The following NAV1 variants were observed in gnomAD, a reference collection of about 807,000 sequenced individuals.
The protein encoded by NAV1 is pore membrane and/or filament interacting like protein 3.
Under a neutral mutation model 175.2 loss-of-function variants are expected in NAV1, and 18 were observed. The ratio of observed to expected loss-of-function variants is 0.10; its 90% CI spans 0.07 to 0.15. The LOEUF is 0.15. NAV1 is among the 10% of genes least tolerant of loss of function. NAV1 has a pLI of 1.00. For synonymous variants in NAV1, 897 were observed against 978.7 expected (o/e 0.92, Z 1.56); for missense variants, 1,731 against 2,436.6 (o/e 0.71, Z 6.10).
chr1:201,711,199 G>A (rs946059995), intron 1 of NAV1, among the ~76,000 whole-genome samples: 11 of 152,236 alleles, frequency 7.2e-5, no homozygotes, highest in African/African-American at 2.2e-4. Context: ...CCTGCCATTT[G>A]TCCCTGATCC....
intron 1 of NAV1, among the ~76,000 whole-genome samples, chr1:201,558,866 C>T (rs1359875777): frequency 2.0e-5 from 3 of 152,110 alleles, no homozygotes; most frequent in Non-Finnish European, 2.9e-5. Flanking sequence ...TGGGGTCTGG[C>T]TTCTAGGGAG....
At chr1:201,742,165 G>A (rs1349028660) in intron 3 of NAV1, among the ~76,000 whole-genome samples, 14 of 152,168 alleles carry the variant, frequency 9.2e-5, no homozygotes, top group Admixed American at 9.2e-4. Flanking sequence ...TTCACAGAGG[G>A]GGAGCTTAGC....
intron 2 of NAV1, among the ~76,000 whole-genome samples, chr1:201,604,797 G>A (rs567107793): frequency 6.6e-6 from 1 of 151,570 alleles, no homozygotes; most frequent in South Asian, 2.1e-4. Context: ...AAGGAAAGAA[G>A]GAAGGAAGGA....
chr1:201,801,861 C>T (rs1366247195), intron 15 of NAV1, among the ~76,000 whole-genome samples: 2 of 151,924 alleles, frequency 1.3e-5, no homozygotes, highest in Non-Finnish European at 2.9e-5. Context: ...GGGGGCCAAG[C>T]ACGGTAGCTC....
chr1:201,629,572 GGAA>G (rs1341892223), intron 2 of NAV1, 65 bp downstream of exon 4: 57 of 1,091,144 alleles, frequency 5.2e-5, no homozygotes, highest in Admixed American at 1.5e-4. Context: ...CTGCCTAGAT[GGAA>G]GAAGAAGTGA....
intron 1 of NAV1, among the ~76,000 whole-genome samples, chr1:201,671,980 C>T (rs1239765338): frequency 6.6e-6 from 1 of 152,196 alleles, no homozygotes; most frequent in Non-Finnish European, 1.5e-5. Flanking sequence ...CGGCCTCTCT[C>T]CCACTCCCAC....
In NAV1 at chr1:201,607,037, G is replaced by A. The variant is rs769351896; in HGVS notation, c.-32-15816G>A. ...AGCAAAACTATTTTGGATGTTTGTC[G>A]CACTGTTATACATAATAGTGGAAAA... On this transcript the variant is annotated intron_variant, in intron 2 of 33. Coordinates refer to the NAV1 transcript ENST00000685211. Among the ~76,000 whole-genome samples the A allele has an allele frequency of 9.2e-5, 14 of 152,020 alleles. No individual in the cohort carries two copies. In the East Asian group the frequency reaches 1.2e-3, roughly 13 times the overall value.
At chr1:201,585,455 T>C (rs769819462) in intron 1 of NAV1, among the ~76,000 whole-genome samples, 18 of 151,854 alleles carry the variant, frequency 1.2e-4, no homozygotes, top group Non-Finnish European at 2.1e-4. Context: ...CACACACAAA[T>C]AGACAAATCG....
rs925128359 is a variant in NAV1 at position 201,693,975 on chromosome 1, C to T, written c.758-18842C>T. ...GTCTGAAGCCATCTCAGCCATCCCCCGGCCTCCAGCCAGGGCTTGGTGCTC... is the reference window on the plus strand; with the variant it reads ...GTCTGAAGCCATCTCAGCCATCCCCTGGCCTCCAGCCAGGGCTTGGTGCTC... On this transcript the variant is annotated intron_variant, in intron 1 of 29. Transcript: ENST00000367296. 4.6e-5 allele frequency among the ~76,000 whole-genome samples: 7 copies of T among 152,320 alleles called. No homozygotes were observed. The East Asian group carries it at 5.8e-4, about 13-fold the overall frequency.
intron 1 of NAV1, chr1:201,673,702 A>C (rs1670135990): frequency 6.6e-6 from 1 of 152,252 alleles, no homozygotes; most frequent in African/African-American, 2.4e-5. Context: ...AGGCACAGGC[A>C]TAGGACAGAA....
At chr1:201,637,679 A>G (rs1668647038) in intron 2 of NAV1, among the ~76,000 whole-genome samples, 1 of 152,244 alleles carries the variant, frequency 6.6e-6, no homozygotes, top group South Asian at 2.1e-4. Context: ...CCCATCCCGA[A>G]GGACACATGC....
chr1:201,565,820 C>A (rs1468654157), intron 1 of NAV1, among the ~76,000 whole-genome samples: 1 of 152,148 alleles, frequency 6.6e-6, no homozygotes, highest in African/African-American at 2.4e-5. Flanking sequence ...GATTTGACCT[C>A]CCAGGGGCCT....
At chr1:201,758,955 G>C (rs963738188) in intron 3 of NAV1, among the ~76,000 whole-genome samples, 1 of 152,208 alleles carries the variant, frequency 6.6e-6, no homozygotes, top group African/African-American at 2.4e-5. Context: ...TTAAGTTTCA[G>C]TTCTTGTTGT....
At chr1:201,773,731 G>T (rs1004246502) in intron 3 of NAV1, among the ~76,000 whole-genome samples, 2 of 152,132 alleles carry the variant, frequency 1.3e-5, no homozygotes, top group African/African-American at 4.8e-5. Context: ...AATTTTGGAG[G>T]GTAGACTAGA....
In NAV1 at chr1:201,726,114, A is replaced by C. The variant is rs538330313; in HGVS notation, c.1226+7359A>C. 1.8e-4 allele frequency among the ~76,000 whole-genome samples: 27 copies of C among 152,380 alleles called. 1 individual carries two copies. The South Asian group carries it at 4.8e-3, about 27-fold the overall frequency. Reference sequence around the variant, plus strand: ...GAATGCTGACTCCAGATTCATACACATAGCCTTGGCTGATGCTTCTTTGTG... The same window carrying C: ...GAATGCTGACTCCAGATTCATACACCTAGCCTTGGCTGATGCTTCTTTGTG... On this transcript the variant is annotated intron_variant, in intron 3 of 29. Coordinates refer to ENST00000367296, the Ensembl canonical transcript of NAV1.
intron 2 of NAV1, among the ~76,000 whole-genome samples, chr1:201,635,116 G>A (rs140382126): frequency 0.078 from 11,852 of 152,120 alleles, 511 homozygotes; most frequent in African/African-American, 0.089. Flanking sequence ...TCAGCTCACT[G>A]CAAGCTCCGC....
At chr1:201,685,863 C>G (rs1670665643) in intron 1 of NAV1, among the ~76,000 whole-genome samples, 1 of 152,188 alleles carries the variant, frequency 6.6e-6, no homozygotes, top group East Asian at 1.9e-4. Context: ...TCTGAATGCC[C>G]TGGGCTGGAA....
intron 3 of NAV1, among the ~76,000 whole-genome samples, chr1:201,778,710 C>T (rs1432668169): frequency 6.6e-6 from 1 of 152,232 alleles, no homozygotes; most frequent in Non-Finnish European, 1.5e-5. Context: ...GGATAAATCA[C>T]TACAGAGCAA....
intron 1 of NAV1, among the ~76,000 whole-genome samples, chr1:201,582,638 C>T (rs1666900376): frequency 1.3e-5 from 2 of 152,232 alleles, no homozygotes; most frequent in Non-Finnish European, 2.9e-5. Context: ...AGGTCCAGGA[C>T]AGGCCCAGAG....
Sources: gnomAD v4.1 joint callset for allele counts (sites outside exome capture counted in the v4.1 genomes callset) on GRCh38, gnomAD v4.1.1 for gene constraint, MANE v1.5 for transcripts, NCBI Gene and HGNC (gene_info 2026-07-23, HGNC 2026-07-21) for gene names.